ANK1: variants seen among roughly 807,000 people sequenced by gnomAD.
ANK1 encodes the protein ankyrin 1.
A neutral mutation model predicts 210.4 loss-of-function variants in ANK1; 51 were observed. That is an observed-to-expected ratio of 0.24 (90% confidence interval 0.19 to 0.31). The LOEUF is 0.31. Among genes scored for constraint, ANK1 ranks in the 10% least tolerant of loss-of-function variants. ANK1 has a pLI of 1.00. For missense variants in ANK1, 2,051 were observed against 2,504.4 expected, an observed-to-expected ratio of 0.82 and a Z score of 3.86; for synonymous variants, 967 against 1,025.9, an observed-to-expected ratio of 0.94 and a Z score of 1.10.
chr8:41,877,826 TGC>T (rs1563952012), intron 1 of ANK1, among the ~76,000 whole-genome samples: 2 of 152,182 alleles, frequency 1.3e-5, no homozygotes, highest in Non-Finnish European at 2.9e-5. Flanking sequence ...CGTTCATGGC[TGC>T]AGAGAAGACA....
rs1335248635 is a variant in ANK1, at chr8:41,694,584, G to A, written c.3327+8C>T. 3.1e-6 allele frequency: 5 copies of A among 1,611,418 alleles called. No homozygotes were observed. Among genetic ancestry groups the A allele is most frequent in the Non-Finnish European group, 4.2e-6 (5 of 1,179,484 alleles). On this transcript the variant is annotated splice_region_variant and intron_variant, in intron 28 of 42. Coordinates refer to ENST00000289734, the MANE Select transcript of ANK1 (RefSeq NM_000037.4). The surrounding 1 kb of genome is among the most constrained non-coding windows in gnomAD (Gnocchi z 5.7). ...CCCCCAGGACCTGGCGGGGAGGAGG[G>A]CTGTCACCTGCAGAGCCAGCTTCAC...
At chr8:41,731,150 A>G (rs2150668522) in intron 3 of ANK1, among the ~76,000 whole-genome samples, 1 of 152,312 alleles carries the variant, frequency 6.6e-6, no homozygotes, top group South Asian at 2.1e-4. Context: ...GAGGCTCAAG[A>G]AGGCCCCTGG....
intron 1 of ANK1, chr8:41,829,953 A>AAAAG (rs1806290847): frequency 6.7e-6 from 1 of 149,248 alleles, no homozygotes; most frequent in East Asian, 2.0e-4. Flanking sequence ...AAAAAAAAAA[A>AAAAG]AAAAATCTGA....
At chr8:41,841,126 C>T (rs1039412761) in intron 1 of ANK1, among the ~76,000 whole-genome samples, 9 of 152,116 alleles carry the variant, frequency 5.9e-5, no homozygotes, top group Admixed American at 3.3e-4. Context: ...CAGTATTCAC[C>T]GCAGCCAAGA....
intron 1 of ANK1, among the ~76,000 whole-genome samples, chr8:41,890,599 C>T (rs531368938): frequency 6.6e-6 from 1 of 151,746 alleles, no homozygotes; most frequent in South Asian, 2.1e-4. Context: ...GTCCCAGCTA[C>T]TCTGGAGGCT....
intron 2 of ANK1, among the ~76,000 whole-genome samples, chr8:41,745,675 T>A (rs1835938517): frequency 6.6e-6 from 1 of 152,044 alleles, no homozygotes; most frequent in Non-Finnish European, 1.5e-5. Flanking sequence ...TATGAAGTTA[T>A]AATTACATCT....
Position 41,717,865 on chromosome 8 carries a change from T to C in ANK1, c.1207-163A>G, listed in dbSNP as rs143130643. The stretch of plus-strand genomic sequence containing the variant: ...GAAAATGGTTGGAGAAAAAAATTAC[T>C]GTGGGCAAGTCGTGCCCACTCTTAC... On this transcript the variant is annotated intron_variant, in intron 11 of 42. Coordinates refer to ENST00000289734, the MANE Select transcript of ANK1 (RefSeq NM_000037.4). Among the ~76,000 whole-genome samples the C allele has an allele frequency of 3.7e-3, 568 of 152,362 alleles. 4 individuals carry two copies. Among genetic ancestry groups the C allele is most frequent in the Non-Finnish European group, 5.4e-3 (368 of 68,032 alleles).
intron 1 of ANK1, among the ~76,000 whole-genome samples, chr8:41,763,889 C>CTT (rs869100297): frequency 0.033 from 1,931 of 57,834 alleles, 70 homozygotes; most frequent in East Asian, 0.081. Flanking sequence ...TTCTTTTTTT[C>CTT]TTTTTTTTTT....
chr8:41,685,593 T>C (rs1563415706), intron 36 of ANK1, among the ~76,000 whole-genome samples: 1 of 152,170 alleles, frequency 6.6e-6, no homozygotes, highest in East Asian at 1.9e-4. Context: ...AGATGAGTCA[T>C]ACACCCTGCA....
intron 35 of ANK1, among the ~76,000 whole-genome samples, chr8:41,686,771 C>T (rs933998532): frequency 5.9e-5 from 9 of 152,144 alleles, no homozygotes; most frequent in African/African-American, 2.2e-4. Context: ...CAGGGAGAGG[C>T]TTTATTTACA....
In ANK1 at chr8:41,797,043, A is replaced by G. The variant is rs1848880598; in HGVS notation, c.27+469T>C. Among the ~76,000 whole-genome samples, 1 of 152,236 alleles carries G rather than the reference A, an allele frequency of 6.6e-6. No homozygotes were observed. Among genetic ancestry groups the G allele is most frequent in the African/African-American group, 2.4e-5 (1 of 41,466 alleles). On this transcript the variant is annotated intron_variant, in intron 1 of 42. Transcript: ENST00000289734. This position sits in a 1 kb window ranked among gnomAD's most constrained non-coding sequence, Gnocchi z 4.0. Reference sequence around the variant, plus strand: ...GACCATGAGACCACCGGCCTCCGTGAGTCTTTGAGAAAACAAGCCAAAGTC... The same window carrying G: ...GACCATGAGACCACCGGCCTCCGTGGGTCTTTGAGAAAACAAGCCAAAGTC...
At chr8:41,655,808 G>A in intron 42 of ANK1, 55 bp from the exon 43 acceptor site, 18 of 1,577,796 alleles carry the variant, frequency 1.1e-5, no homozygotes, top group Non-Finnish European at 1.6e-5. Flanking sequence ...GCAACGTCCA[G>A]CAAAAACCCC....
Position 41,655,602 on chromosome 8 carries a change from G to T in ANK1, c.*188C>A. 1 of 1,189,708 alleles carries T rather than the reference G, an allele frequency of 8.4e-7. No homozygotes were observed. The allele number at this position is 1,189,708 out of a possible 1,614,324, so 73.7% of individuals were successfully genotyped here. A position where few individuals can be genotyped will look rare whatever the true frequency, so the allele number is the denominator to read the frequency against. Reference sequence around the variant, plus strand: ...CATGCGTCTACAGTCAGTCATTCATGCCAAGAGGGGACTAGCAGGAGTCCC... The same window carrying T: ...CATGCGTCTACAGTCAGTCATTCATTCCAAGAGGGGACTAGCAGGAGTCCC... On this transcript the variant is annotated 3_prime_UTR_variant, in exon 43 of 43. Transcript: ENST00000289734.
chr8:41,748,959 T>C lies in ANK1; in HGVS notation c.129+9077A>G, dbSNP rs528177870. On this transcript the variant is annotated intron_variant, in intron 2 of 42. Transcript: ENST00000289734. ...CTGAGGCAGGAGAATGGCATGAACC[T>C]GGGAGGCGGAGCTTGCAGTGAACAG... Among the ~76,000 whole-genome samples, 345 of 151,530 alleles carry C rather than the reference T, an allele frequency of 2.3e-3. 1 individual carries two copies. Among genetic ancestry groups the C allele is most frequent in the African/African-American group, 7.2e-3 (297 of 41,300 alleles).
intron 1 of ANK1, among the ~76,000 whole-genome samples, chr8:41,793,767 A>C (rs972084426): frequency 4.6e-5 from 7 of 152,170 alleles, no homozygotes; most frequent in Admixed American, 4.6e-4. Flanking sequence ...GTGATTGCAA[A>C]TTCATATACT....
At chr8:41,675,723 T>C (rs1435896919) in intron 37 of ANK1, among the ~76,000 whole-genome samples, 1 of 152,230 alleles carries the variant, frequency 6.6e-6, no homozygotes, top group Non-Finnish European at 1.5e-5. Context: ...CAGAAAGGTC[T>C]CCTCAAGCTT....
At chr8:41,767,746 G>GGAGGCACACACGTCCAGTGGAGGT (rs1842169888) in intron 1 of ANK1, among the ~76,000 whole-genome samples, 1 of 152,118 alleles carries the variant, frequency 6.6e-6, no homozygotes. Context: ...CCTGCGGAGG[G>GGAGGCACACACGTCCAGTGGAGGT]GAGGCACACA....
intron 1 of ANK1, among the ~76,000 whole-genome samples, chr8:41,879,805 G>A (rs1283661738): frequency 6.6e-6 from 1 of 152,164 alleles, no homozygotes; most frequent in Non-Finnish European, 1.5e-5. Context: ...CCAGTCCTAT[G>A]GCCTCAGTTC....
chr8:41,771,165 G>A (rs1320861220), intron 1 of ANK1, among the ~76,000 whole-genome samples: 2 of 152,122 alleles, frequency 1.3e-5, no homozygotes, highest in Non-Finnish European at 2.9e-5. Context: ...TCCACAGAAA[G>A]AACTTTCCAG....
Sources: allele counts gnomAD v4.1 joint callset (sites outside exome capture counted in the v4.1 genomes callset), GRCh38; gene constraint gnomAD v4.1.1; non-coding constraint Gnocchi (gnomAD v3.1); transcripts MANE v1.5; gene names NCBI Gene and HGNC (gene_info 2026-07-23, HGNC 2026-07-21).